The following SIGLEC5 variants were observed in gnomAD, a reference collection of about 807,000 sequenced individuals.
SIGLEC5 encodes the protein sialic acid-binding Ig-like lectin 5.
SIGLEC5 carries 34 observed loss-of-function variants against 45.9 expected under a neutral mutation model. The observed-to-expected ratio is 0.74, with a 90% CI of 0.56 to 0.99. The LOEUF (loss-of-function observed/expected upper bound fraction) is 0.99, where lower values mean the gene tolerates loss of function less well. Ranked by LOEUF, SIGLEC5 falls within the 50% of genes least tolerant of loss-of-function variation. SIGLEC5 has a pLI of 0.00. For synonymous variants in SIGLEC5, 203 were observed against 258.6 expected (o/e 0.79, Z 2.06); for missense variants, 508 against 629.6 (o/e 0.81, Z 2.07).
Position 51,627,894 on chromosome 19 carries a change from T to C in SIGLEC5, c.937A>G (p.Thr313Ala). Residue 313 changes from threonine to alanine, a missense_variant, in exon 5 of 9, where the codon ACC becomes GCC. By Grantham distance (58) the Thr-to-Ala change is moderately conservative. This residue lies in a region of SIGLEC5 where 431 missense variants were observed against 428.8 expected (regional missense o/e 1.01). Transcript: ENST00000683636. ...CCCAGCGGGTGCTGAGCGCGGCAGG[T>C]GAAGCCTCCTTCTTCTGCAGACCTT... ...RVRSAEEGGF[T>A]CRAQHPLGFL... The C allele has an allele frequency of 1.2e-6, 2 of 1,613,020 alleles. No homozygotes were observed. The highest frequency in any genetic ancestry group is 1.7e-6 in the Non-Finnish European group (2 of 1,179,678).
intron 8 of SIGLEC5, among the ~76,000 whole-genome samples, chr19:51,619,587 CAA>C (rs1983205233): frequency 6.6e-6 from 1 of 152,036 alleles, no homozygotes; most frequent in African/African-American, 2.4e-5. Flanking sequence ...ATTTAAGATT[CAA>C]AGAAGAAATC....
In SIGLEC5 at chr19:51,629,922, TC is replaced by T. The variant is rs1983678482; in HGVS notation, c.331del (p.Glu111ArgfsTer16). 1 of 1,118,000 alleles carries T rather than the reference TC, an allele frequency of 8.9e-7. No homozygotes were observed. 69.3% of individuals were successfully genotyped at this position (1,118,000 alleles called of 1,614,324 possible). ...CSLSIGDARM[E>X]DTGSYFFRVE... Reference sequence around the variant, plus strand: ...GCGGAAGAAATAGCTTCCCGTGTCCTCCATTCTGGCATCTCCGATGCTCAGG... The same window carrying T: ...GCGGAAGAAATAGCTTCCCGTGTCCTCATTCTGGCATCTCCGATGCTCAGG... On this transcript the variant is annotated frameshift_variant, in exon 2 of 9. Coordinates refer to ENST00000683636, the MANE Select transcript of SIGLEC5 (RefSeq NM_003830.4). LOFTEE classifies it high-confidence loss of function.
At chr19:51,628,832 T>C (rs1278321710) in intron 4 of SIGLEC5, among the ~76,000 whole-genome samples, 1 of 149,058 alleles carries the variant, frequency 6.7e-6, no homozygotes, top group East Asian at 2.0e-4. Flanking sequence ...TGTGCGTGTG[T>C]GTGTGCGTGT....
intron 8 of SIGLEC5, among the ~76,000 whole-genome samples, chr19:51,615,213 T>C (rs555846393): frequency 6.6e-6 from 1 of 152,288 alleles, no homozygotes; most frequent in East Asian, 1.9e-4. Context: ...GACCTACCAA[T>C]GATGGAACTA....
chr19:51,625,956 T>C, intron 8 of SIGLEC5, 76 bp downstream of exon 8: 1 of 1,168,096 alleles, frequency 8.6e-7, no homozygotes, highest in East Asian at 2.3e-5. Flanking sequence ...GAGGAGTGGG[T>C]TTGGTGGAAT....
chr19:51,626,737 A>G (rs1983495783), intron 7 of SIGLEC5, among the ~76,000 whole-genome samples: 1 of 152,162 alleles, frequency 6.6e-6, no homozygotes, highest in African/African-American at 2.4e-5. Flanking sequence ...AAAATGTTCT[A>G]AAATTGATTT....
rs201987666 is a variant in SIGLEC5, at chr19:51,627,185, A to T, written c.1346T>A (p.Leu449Gln). The change falls in exon 7 of 9, where the codon CTG (leucine) becomes CAG (glutamine). Residue 449 changes from leucine to glutamine, a missense_variant. This residue lies in a region of SIGLEC5 where 431 missense variants were observed against 428.8 expected (regional missense o/e 1.01). Coordinates refer to ENST00000683636, the MANE Select transcript of SIGLEC5 (RefSeq NM_003830.4). ...AALGGAGVMA[L>Q]LCICLCLIFF... ...GATGAGGCACAGACAGATACAGAGC[A>T]GGGCCATGACACCAGCACCACCAAG... 486 of 1,614,100 alleles carry T rather than the reference A, an allele frequency of 3.0e-4. 2 individuals are homozygous for T. In the Middle Eastern group the frequency reaches 4.8e-3, roughly 16 times the overall value.
Position 51,616,919 on chromosome 19 carries a change from C to CAA in SIGLEC5, c.1465-4499_1465-4498dup, listed in dbSNP as rs71187696. Reference sequence around the variant, plus strand: ...GAGTGAGACTGTCAAAAAAAAAAAACAAAAAAAAAAAACACTTGAACATTT... The same window carrying CAA: ...GAGTGAGACTGTCAAAAAAAAAAAACAAAAAAAAAAAAAACACTTGAACATTT... On this transcript the variant is annotated intron_variant, in intron 8 of 8. Coordinates refer to ENST00000683636, the MANE Select transcript of SIGLEC5 (RefSeq NM_003830.4). 3.8e-4 allele frequency among the ~76,000 whole-genome samples: 41 copies of CAA among 106,596 alleles called. 5 individuals are homozygous for CAA. The South Asian group carries it at 9.3e-3, about 24-fold the overall frequency. 69.9% of individuals were successfully genotyped at this position (106,596 alleles called of 152,430 possible).
intron 4 of SIGLEC5, 48 bp from the exon 5 acceptor site, chr19:51,628,139 G>T (rs768861407): frequency 6.7e-7 from 1 of 1,484,774 alleles, no homozygotes; most frequent in Non-Finnish European, 9.0e-7. Flanking sequence ...CAGGGAGGCT[G>T]ACAGTCCCTA....
intron 8 of SIGLEC5, among the ~76,000 whole-genome samples, chr19:51,619,844 G>A (rs1208017419): frequency 1.3e-5 from 2 of 151,866 alleles, no homozygotes; most frequent in African/African-American, 4.8e-5. Context: ...CAATAAAACA[G>A]AAAACAAAGA....
chr19:51,625,832 AAAACAAAC>A (rs930131105), intron 8 of SIGLEC5, among the ~76,000 whole-genome samples, 192 bp downstream of exon 8: 1 of 152,142 alleles, frequency 6.6e-6, no homozygotes, highest in Non-Finnish European at 1.5e-5. Flanking sequence ...CTCCATCTCA[AAAACAAAC>A]AAACAAACAA....
At chr19:51,612,875 T>TTCTC (rs35813605) in intron 8 of SIGLEC5, among the ~76,000 whole-genome samples, 14 of 151,108 alleles carry the variant, frequency 9.3e-5, no homozygotes, top group African/African-American at 2.4e-4. Flanking sequence ...TCATGGGTTC[T>TTCTC]TCTCTCTCTC....
At position 51,616,906 on chromosome 19, in the gene SIGLEC5, C is replaced by CAAAAAAAAAAAAAAAA. The variant is rs34974873; in HGVS notation, c.1465-4485_1465-4484insTTTTTTTTTTTTTTTT. ...AGCCTGGGCAACAGAGTGAGACTGTCAAAAAAAAAAAACAAAAAAAAAAAA... is the reference window on the plus strand; with the variant it reads ...AGCCTGGGCAACAGAGTGAGACTGTCAAAAAAAAAAAAAAAAAAAAAAAAAAAACAAAAAAAAAAAA... On this transcript the variant is annotated intron_variant, in intron 8 of 8. Transcript: ENST00000683636. Among the ~76,000 whole-genome samples the CAAAAAAAAAAAAAAAA allele has an allele frequency of 6.5e-5, 3 of 46,402 alleles. 1 individual carries two copies. Among genetic ancestry groups the CAAAAAAAAAAAAAAAA allele is most frequent in the Non-Finnish European group, 1.0e-4 (3 of 29,276 alleles). 30.4% of individuals were successfully genotyped at this position (46,402 alleles called of 152,430 possible).
At chr19:51,613,854 A>T (rs1301280938) in intron 8 of SIGLEC5, among the ~76,000 whole-genome samples, 1 of 151,980 alleles carries the variant, frequency 6.6e-6, no homozygotes, top group Non-Finnish European at 1.5e-5. Context: ...AGTGTGAGAA[A>T]TCAGACATAG....
chr19:51,626,434 A>G (rs960275671), intron 7 of SIGLEC5, among the ~76,000 whole-genome samples: 5 of 152,224 alleles, frequency 3.3e-5, no homozygotes, highest in Non-Finnish European at 5.9e-5. Context: ...CTGAACCCAC[A>G]AATCAAATGC....
At chr19:51,624,518 T>A (rs1372887407) in intron 8 of SIGLEC5, among the ~76,000 whole-genome samples, 1 of 152,050 alleles carries the variant, frequency 6.6e-6, no homozygotes, top group African/African-American at 2.4e-5. Context: ...CTTGTTCCAG[T>A]CATGACAGCT....
chr19:51,623,802 T>A (rs1256859201), intron 8 of SIGLEC5, among the ~76,000 whole-genome samples: 2 of 152,166 alleles, frequency 1.3e-5, no homozygotes, highest in African/African-American at 4.8e-5. Flanking sequence ...GTTAGTACGG[T>A]GAGACAAGGA....
intron 4 of SIGLEC5, among the ~76,000 whole-genome samples, chr19:51,628,655 T>C (rs1983597493): frequency 6.6e-6 from 1 of 150,652 alleles, no homozygotes; most frequent in Admixed American, 6.6e-5. Context: ...GTGTGTGGTG[T>C]ATGTGCATGT....
intron 8 of SIGLEC5, among the ~76,000 whole-genome samples, chr19:51,624,650 G>A (rs186493368): frequency 3.3e-3 from 506 of 152,092 alleles, no homozygotes; most frequent in African/African-American, 0.01. Flanking sequence ...GGCTAAAGAA[G>A]CCCCAGCCCC....
Sources: allele counts gnomAD v4.1 joint callset (sites outside exome capture counted in the v4.1 genomes callset), GRCh38; gene constraint gnomAD v4.1.1; regional missense constraint gnomAD v4.1.1; transcripts MANE v1.5; gene names NCBI Gene and HGNC (gene_info 2026-07-23, HGNC 2026-07-21).